Variants in CATSPERE observed in about 807,000 individuals in gnomAD.
CATSPERE encodes cation channel sperm-associated auxiliary subunit epsilon.
A neutral mutation model predicts 114.1 loss-of-function variants in CATSPERE; 93 were observed. The ratio of observed to expected loss-of-function variants is 0.81; its 90% CI spans 0.69 to 0.97. CATSPERE has a LOEUF of 0.97. Ranked by LOEUF, CATSPERE falls within the 50% of genes least tolerant of loss-of-function variation. CATSPERE has a pLI of 0.00. For synonymous variants in CATSPERE, 341 were observed against 384.1 expected (o/e 0.89, Z 1.31); for missense variants, 1,058 against 1,131.6 (o/e 0.93, Z 0.93).
intron 8 of CATSPERE, among the ~76,000 whole-genome samples, chr1:244,520,220 C>T (rs979044432): frequency 1.3e-5 from 2 of 152,094 alleles, no homozygotes; most frequent in African/African-American, 4.8e-5. Flanking sequence ...CAAATCCAAA[C>T]TGTTTTTTTC....
chr1:244,453,494 C>T (rs907076793), upstream of CATSPERE, among the ~76,000 whole-genome samples: 1 of 152,184 alleles, frequency 6.6e-6, no homozygotes, highest in Non-Finnish European at 1.5e-5. Context: ...ACCCCTTGGG[C>T]GGTTACAAAT....
intron 8 of CATSPERE, among the ~76,000 whole-genome samples, chr1:244,550,018 A>G (rs1464059392): frequency 2.0e-5 from 3 of 152,172 alleles, no homozygotes; most frequent in African/African-American, 7.2e-5. Context: ...GCACTCAGAC[A>G]TTGGCATTCC....
chr1:244,473,727 C>CGACCCA (rs1668837915), intron 2 of CATSPERE, among the ~76,000 whole-genome samples: 1 of 152,004 alleles, frequency 6.6e-6, no homozygotes, highest in Non-Finnish European at 1.5e-5. Context: ...CTTTCTGGGT[C>CGACCCA]ACTTTTTTCT....
Position 244,572,463 on chromosome 1 carries a change from T to G in CATSPERE, c.1641T>G (p.Ser547=). 1 of 1,614,092 alleles carries G rather than the reference T, an allele frequency of 6.2e-7. No individual in the cohort carries two copies. Among genetic ancestry groups the G allele is most frequent in the South Asian group, 1.1e-5 (1 of 91,084 alleles). Residue 547 remains serine, a synonymous_variant, in exon 11 of 22, where the codon TCT becomes TCG. Transcript: ENST00000366534. ...GAGCATTCATTTTCTTAAGTACATC[T>G]GGTCAAACATATTTCCTGTATGCTT... ...TTRAFIFLST[S]GQTYFLYALD... is the part of the protein sequence containing the mutation.
chr1:244,546,882 G>A lies in CATSPERE; in HGVS notation c.537-5440G>A, dbSNP rs140870013. 6.3e-3 allele frequency among the ~76,000 whole-genome samples: 963 copies of A among 152,042 alleles called. 4 individuals carry two copies. Among genetic ancestry groups the A allele is most frequent in the Middle Eastern group, 0.031 (9 of 294 alleles). ...ATGCTTACGTCATTGGGGTTTAAGA[G>A]GGAGTAGAGAAATATAGTGGGGTAG... On this transcript the variant is annotated intron_variant, in intron 8 of 21. Transcript: ENST00000366534.
Position 244,461,492 on chromosome 1 carries a change from G to C in CATSPERE, c.63G>C (p.Trp21Cys). The change falls in exon 1 of 22, where the codon TGG becomes TGC. Residue 21 changes from tryptophan (W) to cysteine (C), a missense_variant and splice_region_variant. Physicochemically the swap from Trp to Cys is radical, Grantham distance 215. Coordinates refer to ENST00000366534, the MANE Select transcript of CATSPERE (RefSeq NM_001130957.2). ...LWLSCYGSAL[W>C]RYSTNSPNYR... ...TGAGCTGCTATGGCTCCGCCCTTTG[G>C]AGGTAGAGAGACGCCAGTCGCAGGC... 7.6e-7 allele frequency: 1 copy of C among 1,318,294 alleles called. No homozygotes were observed. The highest frequency in any genetic ancestry group is 9.8e-7 in the Non-Finnish European group (1 of 1,025,240). 81.7% of individuals were successfully genotyped at this position (1,318,294 alleles called of 1,614,324 possible).
intron 12 of CATSPERE, among the ~76,000 whole-genome samples, chr1:244,583,471 G>A (rs1189389453): frequency 1.3e-5 from 2 of 152,154 alleles, no homozygotes; most frequent in Non-Finnish European, 2.9e-5. Context: ...GGGAAAACGG[G>A]TAGGAGCCAG....
At chr1:244,512,778 G>A (rs1459537121) in intron 7 of CATSPERE, among the ~76,000 whole-genome samples, 1 of 152,098 alleles carries the variant, frequency 6.6e-6, no homozygotes, top group African/African-American at 2.4e-5. Context: ...GGTTGGGTAG[G>A]TTACTCTGGC....
At chr1:244,617,944 A>G (rs552969185) in intron 20 of CATSPERE, among the ~76,000 whole-genome samples, 2 of 152,350 alleles carry the variant, frequency 1.3e-5, no homozygotes, top group African/African-American at 4.8e-5. Flanking sequence ...ATATAGGCAC[A>G]GTCTCATCCT....
At position 244,572,625 on chromosome 1, in the gene CATSPERE, G is replaced by C; in HGVS notation, c.1803G>C (p.Lys601Asn). ...CTCATGTTTTTTACTTTTTGGACAA[G>C]GGAGAGGCTCTGACAGTTTGGACTC... Reference protein sequence around the residue: ...NVAHVFYFLDKGEALTVWTQI... With the variant: ...NVAHVFYFLDNGEALTVWTQI... Residue 601 changes from lysine (K) to asparagine (N), a missense_variant, in exon 11 of 22, where the codon AAG becomes AAC. Lys to Asn is a moderately conservative substitution (Grantham distance 94). Around this residue, in one of 2 missense-constraint regions of CATSPERE, gnomAD observed 787 missense variants for 905.6 expected, o/e 0.87. Transcript: ENST00000366534. 6.2e-7 allele frequency: 1 copy of C among 1,614,066 alleles called. No individual in the cohort carries two copies. Among genetic ancestry groups the C allele is most frequent in the Non-Finnish European group, 8.5e-7 (1 of 1,179,990 alleles).
At chr1:244,595,539 G>T (rs1374376257) in intron 17 of CATSPERE, among the ~76,000 whole-genome samples, 2 of 152,172 alleles carry the variant, frequency 1.3e-5, no homozygotes, top group Non-Finnish European at 2.9e-5. Context: ...GCAAAAATTA[G>T]TCATGAAGTC....
chr1:244,621,958 C>G (rs576698338), intron 20 of CATSPERE, among the ~76,000 whole-genome samples: 1 of 152,326 alleles, frequency 6.6e-6, no homozygotes, highest in East Asian at 1.9e-4. Flanking sequence ...CCTCCACCTA[C>G]CACAGTGTCA....
chr1:244,561,997 TAA>T (rs1662632731), intron 10 of CATSPERE, among the ~76,000 whole-genome samples: 1 of 151,388 alleles, frequency 6.6e-6, no homozygotes, highest in African/African-American at 2.4e-5. Flanking sequence ...ACTAAAAACT[TAA>T]AAATTAGCTG....
At chr1:244,490,820 T>A (rs1671976996) in intron 6 of CATSPERE, among the ~76,000 whole-genome samples, 1 of 152,148 alleles carries the variant, frequency 6.6e-6, no homozygotes, top group Non-Finnish European at 1.5e-5. Context: ...ATATTTTTCT[T>A]TTGAAAAATA....
At chr1:244,609,866 C>A (rs1670481680) in intron 18 of CATSPERE, among the ~76,000 whole-genome samples, 1 of 152,062 alleles carries the variant, frequency 6.6e-6, no homozygotes, top group Non-Finnish European at 1.5e-5. Context: ...CATAGCGAGG[C>A]TCCATCTCTA....
Position 244,589,431 on chromosome 1 carries a change from C to G in CATSPERE, c.2138+897C>G, listed in dbSNP as rs573938816. Among the ~76,000 whole-genome samples the G allele has an allele frequency of 6.6e-5, 10 of 152,160 alleles. No homozygotes were observed. The East Asian group carries it at 1.9e-3, about 29-fold the overall frequency. ...TTTGCATTTCCTAACATCTTTGCAC[C>G]CGTAATTCCTTTCCCAGAAAATGCA... On this transcript the variant is annotated intron_variant, in intron 14 of 21. Coordinates refer to ENST00000366534, the MANE Select transcript of CATSPERE (RefSeq NM_001130957.2).
rs973149303 is a variant in CATSPERE at position 244,637,584 on chromosome 1, C to T, written c.2702+2042C>T. On this transcript the variant is annotated intron_variant, in intron 21 of 21. Transcript: ENST00000366534. ...AACCCCCCTTCACCCTTACTGGAAC[C>T]TCCACCTCTACTTCCAATCTCTCTT... 4.6e-5 allele frequency among the ~76,000 whole-genome samples: 7 copies of T among 152,282 alleles called. No individual in the cohort carries two copies. In the South Asian group the frequency reaches 1.4e-3, roughly 32 times the overall value.
chr1:244,514,339 G>T (rs1658784958), intron 7 of CATSPERE, among the ~76,000 whole-genome samples: 1 of 152,128 alleles, frequency 6.6e-6, no homozygotes, highest in South Asian at 2.1e-4. Flanking sequence ...CATTTTAGAG[G>T]TGACAAATTG....
chr1:244,501,849 A>G (rs1437109856), intron 7 of CATSPERE, among the ~76,000 whole-genome samples: 1 of 152,194 alleles, frequency 6.6e-6, no homozygotes, highest in Non-Finnish European at 1.5e-5. Context: ...ACAAAACCTT[A>G]TCTGCCTCTG....
Sources: allele counts gnomAD v4.1 joint callset (sites outside exome capture counted in the v4.1 genomes callset), GRCh38; gene constraint gnomAD v4.1.1; regional missense constraint gnomAD v4.1.1; transcripts MANE v1.5; gene names NCBI Gene and HGNC (gene_info 2026-07-23, HGNC 2026-07-21).